KAT6B: variants seen among roughly 807,000 people sequenced by gnomAD.
KAT6B encodes the protein histone acetyltransferase KAT6B.
KAT6B carries 10 observed loss-of-function variants against 187.5 expected under a neutral mutation model. The observed-to-expected ratio is 0.05, with a 90% confidence interval of 0.03 to 0.09. The LOEUF is 0.09. Ranked by LOEUF, KAT6B falls within the 10% of genes least tolerant of loss-of-function variation. KAT6B has a pLI of 1.00. For missense variants in KAT6B, 1,952 were observed against 2,558.9 expected (o/e 0.76, Z 5.12); for synonymous variants, 861 against 926.8 (o/e 0.93, Z 1.29).
intron 4 of KAT6B, among the ~76,000 whole-genome samples, chr10:74,964,145 A>T (rs11001224): frequency 5.9e-5 from 9 of 152,134 alleles, no homozygotes; most frequent in African/African-American, 2.2e-4. Context: ...AAATAAAAAT[A>T]AAAAAACAAA....
chr10:74,985,316 GC>G lies in KAT6B; in HGVS notation c.2535+76del. The G allele has an allele frequency of 2.9e-6, 4 of 1,366,004 alleles. No homozygotes were observed. The South Asian group carries it at 3.6e-5, about 12-fold the overall frequency. 84.6% of individuals were successfully genotyped at this position (1,366,004 alleles called of 1,614,324 possible). A position where few individuals can be genotyped will look rare whatever the true frequency, so the allele number is the denominator to read the frequency against. The stretch of plus-strand genomic sequence containing the variant: ...GGTAGAGCCCAATTCTTTGAACAGG[GC>G]TTTTTCATTACTATAATTTGAATAA... On this transcript the variant is annotated intron_variant, in intron 12 of 17. Coordinates refer to ENST00000287239, the MANE Select transcript of KAT6B (RefSeq NM_012330.4).
chr10:75,013,272 C>T (rs1296128032), intron 13 of KAT6B, among the ~76,000 whole-genome samples: 4 of 152,120 alleles, frequency 2.6e-5, no homozygotes, highest in Admixed American at 6.6e-5. Flanking sequence ...AAGTTAAGGA[C>T]TAAGGGGCCA....
At chr10:75,005,379 G>A (rs1455196843) in intron 13 of KAT6B, among the ~76,000 whole-genome samples, 1 of 151,696 alleles carries the variant, frequency 6.6e-6, no homozygotes, top group Non-Finnish European at 1.5e-5. Context: ...CACCATGCCC[G>A]GGTAATTTTT....
chr10:74,976,780 G>A, intron 8 of KAT6B: 1 of 289,870 alleles, frequency 3.4e-6, no homozygotes, highest in South Asian at 3.5e-5. Context: ...AGTTCATCCT[G>A]CTTCCGTCTC....
At chr10:74,935,624 C>T (rs1849213555) in intron 3 of KAT6B, among the ~76,000 whole-genome samples, 1 of 152,252 alleles carries the variant, frequency 6.6e-6, no homozygotes, top group Admixed American at 6.5e-5. Context: ...TTTTTAAATG[C>T]AAAACATACC....
chr10:75,004,879 G>GT (rs1441031091), intron 13 of KAT6B, among the ~76,000 whole-genome samples: 1 of 151,644 alleles, frequency 6.6e-6, no homozygotes, highest in Non-Finnish European at 1.5e-5. Context: ...TTTTCAGGGG[G>GT]AGGGGTGGGG....
chr10:74,944,458 A>T (rs1212740414), intron 3 of KAT6B, among the ~76,000 whole-genome samples: 1 of 152,236 alleles, frequency 6.6e-6, no homozygotes, highest in African/African-American at 2.4e-5. Context: ...CAGAAACTGT[A>T]CAAAAGAAGA....
At chr10:74,880,786 T>G (rs1047445719) in intron 3 of KAT6B, among the ~76,000 whole-genome samples, 1 of 152,000 alleles carries the variant, frequency 6.6e-6, no homozygotes, top group South Asian at 2.1e-4. Flanking sequence ...CAGCTAATTG[T>G]TGTATTTTTA....
chr10:74,992,139 C>A (rs1843157523), intron 13 of KAT6B, among the ~76,000 whole-genome samples: 2 of 152,012 alleles, frequency 1.3e-5, no homozygotes, highest in South Asian at 4.2e-4. Flanking sequence ...GCCTTTTGGT[C>A]AGGGATGTAT....
chr10:74,871,731 T>C (rs1163533245), intron 3 of KAT6B, among the ~76,000 whole-genome samples: 1 of 152,154 alleles, frequency 6.6e-6, no homozygotes, highest in East Asian at 1.9e-4. Context: ...TATACCAAGA[T>C]GAGTAAGAAC....
chr10:74,856,380 C>A (rs1842829461), intron 3 of KAT6B, among the ~76,000 whole-genome samples: 1 of 152,150 alleles, frequency 6.6e-6, no homozygotes, highest in Admixed American at 6.6e-5. Context: ...AGCCACTGCG[C>A]CTGGCCAACT....
At chr10:74,887,649 G>A (rs954235347) in intron 3 of KAT6B, among the ~76,000 whole-genome samples, 1 of 152,012 alleles carries the variant, frequency 6.6e-6, no homozygotes, top group African/African-American at 2.4e-5. Flanking sequence ...GAGCCATGAT[G>A]TCAGGCTGAC....
intron 3 of KAT6B, among the ~76,000 whole-genome samples, chr10:74,931,146 A>G (rs1296197250): frequency 7.2e-5 from 11 of 152,190 alleles, no homozygotes; most frequent in Admixed American, 7.2e-4. Context: ...GTGGGGAAGT[A>G]AAGAGCTCTG....
intron 1 of KAT6B, among the ~76,000 whole-genome samples, chr10:74,830,769 T>TATGTATATATA (rs58702000): frequency 5.2e-4 from 4 of 7,736 alleles, no homozygotes; most frequent in African/African-American, 7.1e-4. Flanking sequence ...TATATATATA[T>TATGTATATATA]TTTTTTTTTT....
intron 3 of KAT6B, among the ~76,000 whole-genome samples, chr10:74,893,029 G>A (rs1589563579): frequency 6.6e-6 from 1 of 152,236 alleles, no homozygotes; most frequent in Non-Finnish European, 1.5e-5. Context: ...TCCTGCCTGC[G>A]AAGGCTGCCT....
At chr10:74,909,496 ACTC>A (rs1847037491) in intron 3 of KAT6B, among the ~76,000 whole-genome samples, 1 of 152,042 alleles carries the variant, frequency 6.6e-6, no homozygotes, top group Non-Finnish European at 1.5e-5. Flanking sequence ...AGCAGGCAGA[ACTC>A]CTCAGTTTGG....
At chr10:74,940,278 C>CCT (rs1554830000) in intron 3 of KAT6B, among the ~76,000 whole-genome samples, 7 of 142,150 alleles carry the variant, frequency 4.9e-5, no homozygotes, top group African/African-American at 1.8e-4. Flanking sequence ...TATTTTTCCC[C>CCT]TTTTTTTTTT....
chr10:74,868,953 C>A (rs12220684), intron 3 of KAT6B, among the ~76,000 whole-genome samples: 4,921 of 152,292 alleles, frequency 0.032, 168 homozygotes, highest in East Asian at 0.12. Flanking sequence ...TTCTGCCCTG[C>A]TGCTGTTTTA....
chr10:74,979,027 C>T (rs932835855), intron 9 of KAT6B, among the ~76,000 whole-genome samples, 197 bp from the exon 10 acceptor site: 1 of 151,802 alleles, frequency 6.6e-6, no homozygotes, highest in Non-Finnish European at 1.5e-5. Flanking sequence ...TGGTTTTTGC[C>T]ATTGAAAAAA....
Sources: allele counts gnomAD v4.1 joint callset (sites outside exome capture counted in the v4.1 genomes callset), GRCh38; gene constraint gnomAD v4.1.1; transcripts MANE v1.5; gene names NCBI Gene and HGNC (gene_info 2026-07-23, HGNC 2026-07-21).